The following ARHGAP32 variants were observed in gnomAD, a reference collection of about 807,000 sequenced individuals.
ARHGAP32 encodes rho GTPase-activating protein 32.
Under a neutral mutation model 186.5 loss-of-function variants are expected in ARHGAP32, and 51 were observed. That is an observed-to-expected ratio of 0.27 (90% CI 0.22 to 0.35). The LOEUF is 0.35. ARHGAP32 is among the 10% of genes least tolerant of loss of function. The pLI, the probability that ARHGAP32 is intolerant of heterozygous loss-of-function variation, is 1.00. For missense variants in ARHGAP32, 2,186 were observed against 2,623.5 expected, an observed-to-expected ratio of 0.83 and a Z score of 3.64; for synonymous variants, 950 against 964.3, an observed-to-expected ratio of 0.99 and a Z score of 0.27.
At chr11:129,253,242 T>G (rs768114316) in intron 1 of ARHGAP32, among the ~76,000 whole-genome samples, 3 of 152,192 alleles carry the variant, frequency 2.0e-5, no homozygotes, top group Non-Finnish European at 4.4e-5. Context: ...TTAGTGATAT[T>G]TAAGTAGACA....
chr11:129,159,309 G>A (rs1943480021), intron 2 of ARHGAP32, among the ~76,000 whole-genome samples: 1 of 151,992 alleles, frequency 6.6e-6, no homozygotes, highest in South Asian at 2.1e-4. Context: ...CTGCTAGCCA[G>A]ATTAATGAAG....
At chr11:129,209,387 G>A (rs910792328) in intron 1 of ARHGAP32, among the ~76,000 whole-genome samples, 4 of 149,646 alleles carry the variant, frequency 2.7e-5, no homozygotes, top group Non-Finnish European at 3.0e-5. Flanking sequence ...ACAAGAAGAC[G>A]GACAAAGAAG....
chr11:128,991,387 C>A (rs1306593484), intron 12 of ARHGAP32, among the ~76,000 whole-genome samples: 1 of 151,188 alleles, frequency 6.6e-6, no homozygotes, highest in Non-Finnish European at 1.5e-5. Context: ...AAATAGGTGG[C>A]AAAATGAAAG....
In ARHGAP32 at chr11:128,972,905, A is replaced by T; in HGVS notation, c.3601T>A (p.Ser1201Thr). The stretch of plus-strand genomic sequence containing the variant: ...ACAGTTGGCATACTGTTCTTCCCAG[A>T]CTGGTCTTCAGGGAAACTTACATGA... ...DDHVSFPEDQ[S>T]GKNSMPTVSF... The change falls in exon 22 of 23, where the codon TCT becomes ACT. Residue 1201 changes from serine to threonine, a missense_variant. By Grantham distance (58) the Ser-to-Thr change is moderately conservative. Transcript: ENST00000682385. The T allele has an allele frequency of 6.2e-7, 1 of 1,613,974 alleles. No homozygotes were observed. Among genetic ancestry groups the T allele is most frequent in the Non-Finnish European group, 8.5e-7 (1 of 1,180,002 alleles).
chr11:129,063,461 G>GA (rs1309803722), intron 9 of ARHGAP32, among the ~76,000 whole-genome samples: 4 of 151,352 alleles, frequency 2.6e-5, no homozygotes, highest in East Asian at 1.9e-4. Flanking sequence ...AACAATATGT[G>GA]AAAAAAAATG....
chr11:129,090,815 T>C (rs1181882847), intron 6 of ARHGAP32, among the ~76,000 whole-genome samples: 3 of 152,192 alleles, frequency 2.0e-5, no homozygotes, highest in Admixed American at 6.5e-5. Context: ...TCAATATAAT[T>C]AGTGTCAGGG....
chr11:128,978,792 C>T lies in ARHGAP32; in HGVS notation c.2100G>A (p.Glu700=). The T allele has an allele frequency of 4.3e-6, 7 of 1,611,344 alleles. No individual in the cohort carries two copies. The highest frequency in any genetic ancestry group is 5.9e-6 in the Non-Finnish European group (7 of 1,179,156). ...KLQRNESEPS[E]MKAMALKGGR... ...CACCTTTCAGAGCCATGGCTTTCAT[C>T]TCTGAAGGCTCACTCTCATTCCGCT... Residue 700 remains glutamate, a synonymous_variant, in exon 19 of 23, where the codon GAG becomes GAA. Coordinates refer to ENST00000682385, the MANE Select transcript of ARHGAP32 (RefSeq NM_001378024.1).
At chr11:129,206,637 T>C (rs965842573) in intron 1 of ARHGAP32, among the ~76,000 whole-genome samples, 12 of 152,154 alleles carry the variant, frequency 7.9e-5, no homozygotes, top group African/African-American at 2.2e-4. Flanking sequence ...TATTATCATA[T>C]ATGGTTGAAG....
intron 1 of ARHGAP32, among the ~76,000 whole-genome samples, chr11:129,173,834 A>C (rs1267951763): frequency 1.3e-5 from 2 of 152,256 alleles, no homozygotes; most frequent in African/African-American, 2.4e-5. Context: ...TGAGATCATG[A>C]ACAAATCAAG....
intron 1 of ARHGAP32, among the ~76,000 whole-genome samples, chr11:129,164,818 G>C (rs1005221429): frequency 3.9e-5 from 6 of 152,106 alleles, no homozygotes; most frequent in Admixed American, 3.9e-4. Context: ...AAAAGATATG[G>C]TATTTCTGGT....
intron 3 of ARHGAP32, among the ~76,000 whole-genome samples, chr11:129,124,239 T>TTTAA (rs1942604340): frequency 6.6e-6 from 1 of 152,170 alleles, no homozygotes; most frequent in Non-Finnish European, 1.5e-5. Flanking sequence ...TTATACAACA[T>TTTAA]TTTAAATAAT....
chr11:128,981,713 C>A, intron 16 of ARHGAP32, 116 bp downstream of exon 16: 2 of 1,129,004 alleles, frequency 1.8e-6, no homozygotes, highest in Non-Finnish European at 2.5e-6. Context: ...TAGGGAGATG[C>A]AAATAAAAAG....
intron 2 of ARHGAP32, among the ~76,000 whole-genome samples, chr11:129,144,434 C>A (rs1943126766): frequency 6.6e-6 from 1 of 152,070 alleles, no homozygotes; most frequent in Admixed American, 6.6e-5. Context: ...AGCAATTTTA[C>A]TAAAAAAACA....
intron 2 of ARHGAP32, among the ~76,000 whole-genome samples, chr11:129,160,280 G>A (rs541098755): frequency 3.3e-5 from 5 of 152,148 alleles, no homozygotes; most frequent in Non-Finnish European, 7.4e-5. Flanking sequence ...AGAAATAAAG[G>A]GTATTCAAAT....
At chr11:129,026,514 G>A (rs1214635127) in intron 11 of ARHGAP32, among the ~76,000 whole-genome samples, 1 of 152,112 alleles carries the variant, frequency 6.6e-6, no homozygotes, top group Admixed American at 6.5e-5. Flanking sequence ...ACTTGAGTGG[G>A]GCTGGGCACA....
intron 1 of ARHGAP32, among the ~76,000 whole-genome samples, chr11:129,186,829 G>A (rs1006263483): frequency 6.6e-6 from 1 of 152,108 alleles, no homozygotes; most frequent in African/African-American, 2.4e-5. Context: ...TCTCACCCCA[G>A]TTAAAATGGC....
chr11:129,062,497 T>C (rs1249314707), intron 9 of ARHGAP32, 140 bp from the exon 10 acceptor site: 2 of 568,696 alleles, frequency 3.5e-6, no homozygotes, highest in African/African-American at 1.9e-5. Context: ...AAAAGTACCA[T>C]TTCTTTTTAA....
At chr11:129,141,271 A>T (rs1179023147) in intron 2 of ARHGAP32, among the ~76,000 whole-genome samples, 2 of 151,392 alleles carry the variant, frequency 1.3e-5, no homozygotes, top group Non-Finnish European at 2.9e-5. Flanking sequence ...ATGTTCTGTT[A>T]AAAAACTCTC....
chr11:129,199,562 G>A (rs1366723357), intron 1 of ARHGAP32, among the ~76,000 whole-genome samples: 1 of 152,262 alleles, frequency 6.6e-6, no homozygotes, highest in Non-Finnish European at 1.5e-5. Context: ...TGAGCCTGCA[G>A]GTGCACAAAA....
Sources: gnomAD v4.1 joint callset for allele counts (sites outside exome capture counted in the v4.1 genomes callset) on GRCh38, gnomAD v4.1.1 for gene constraint, MANE v1.5 for transcripts, NCBI Gene and HGNC (gene_info 2026-07-23, HGNC 2026-07-21) for gene names.